NEGR1: variants seen among roughly 807,000 people sequenced by gnomAD.
The protein encoded by NEGR1 is neuronal growth regulator 1.
A neutral mutation model predicts 40.9 loss-of-function variants in NEGR1; 10 were observed. That is an observed-to-expected ratio of 0.24 (90% CI 0.15 to 0.42). The LOEUF is 0.42. Among genes scored for constraint, NEGR1 ranks in the 10% least tolerant of loss-of-function variants. NEGR1 has a pLI of 1.00. For synonymous variants in NEGR1, 185 were observed against 166.8 expected (o/e 1.11, Z -0.84); for missense variants, 352 against 438.9 (o/e 0.80, Z 1.77).
At chr1:71,819,683 T>TA (rs1269250784) in intron 2 of NEGR1, among the ~76,000 whole-genome samples, 1 of 151,984 alleles carries the variant, frequency 6.6e-6, no homozygotes, top group Non-Finnish European at 1.5e-5. Flanking sequence ...GATGCTATCA[T>TA]ATGCATATCT....
At chr1:72,171,471 G>A (rs61765613) in intron 1 of NEGR1, among the ~76,000 whole-genome samples, 1 of 151,978 alleles carries the variant, frequency 6.6e-6, no homozygotes, top group East Asian at 1.9e-4. Flanking sequence ...AAATATCACC[G>A]ATAGCTACAT....
chr1:71,451,829 T>A (rs1011709837), intron 6 of NEGR1, among the ~76,000 whole-genome samples: 8 of 152,248 alleles, frequency 5.3e-5, no homozygotes, highest in Non-Finnish European at 1.2e-4. Context: ...GATAATCCTA[T>A]TGTATATTCA....
intron 4 of NEGR1, among the ~76,000 whole-genome samples, chr1:71,619,247 G>A (rs1337475491): frequency 6.6e-6 from 1 of 151,954 alleles, no homozygotes; most frequent in African/African-American, 2.4e-5. Flanking sequence ...ATCACAGTGG[G>A]CTCTTTCTTA....
intron 1 of NEGR1, among the ~76,000 whole-genome samples, chr1:71,943,644 A>G (rs1015385772): frequency 6.6e-6 from 1 of 152,190 alleles, no homozygotes; most frequent in South Asian, 2.1e-4. Context: ...TAAAATAAGC[A>G]TGGATAGAGT....
intron 4 of NEGR1, among the ~76,000 whole-genome samples, chr1:71,663,927 G>C (rs1025578637): frequency 1.3e-5 from 2 of 152,086 alleles, no homozygotes; most frequent in Non-Finnish European, 2.9e-5. Context: ...GTTAATTATG[G>C]ATTCTATACA....
At chr1:71,705,231 A>C (rs928309440) in intron 3 of NEGR1, among the ~76,000 whole-genome samples, 3 of 152,188 alleles carry the variant, frequency 2.0e-5, no homozygotes, top group Non-Finnish European at 4.4e-5. Context: ...CTCGTACTTT[A>C]TACATAAATT....
chr1:71,733,437 T>C (rs1268163901), intron 3 of NEGR1, among the ~76,000 whole-genome samples: 1 of 152,192 alleles, frequency 6.6e-6, no homozygotes, highest in African/African-American at 2.4e-5. Context: ...TTTTAGTCTG[T>C]ATTGTAACTG....
intron 1 of NEGR1, among the ~76,000 whole-genome samples, chr1:72,131,169 CT>C (rs1470660741): frequency 2.0e-5 from 3 of 152,142 alleles, no homozygotes; most frequent in Admixed American, 2.0e-4. Flanking sequence ...ATAAGATTAA[CT>C]TTGTATAATT....
At chr1:71,501,443 C>A (rs1010432732) in intron 6 of NEGR1, among the ~76,000 whole-genome samples, 3 of 152,092 alleles carry the variant, frequency 2.0e-5, no homozygotes, top group African/African-American at 7.2e-5. Context: ...ACCCAAATAT[C>A]ATTTTCAGTG....
intron 1 of NEGR1, among the ~76,000 whole-genome samples, chr1:72,142,157 C>G (rs1019014847): frequency 6.6e-6 from 1 of 151,998 alleles, no homozygotes; most frequent in Non-Finnish European, 1.5e-5. Flanking sequence ...GACTCCAACT[C>G]CATGCCCTCC....
intron 2 of NEGR1, among the ~76,000 whole-genome samples, chr1:71,874,959 C>T (rs773715731): frequency 6.6e-6 from 1 of 152,164 alleles, no homozygotes; most frequent in Non-Finnish European, 1.5e-5. Flanking sequence ...ATCCTCCTCC[C>T]TCAGCCTCCT....
intron 3 of NEGR1, among the ~76,000 whole-genome samples, chr1:71,772,496 A>G (rs1656364502): frequency 6.6e-6 from 1 of 152,178 alleles, no homozygotes; most frequent in Non-Finnish European, 1.5e-5. Context: ...AGAGGAGCCT[A>G]AACTGTTATG....
chr1:71,658,393 G>T (rs1356937876), intron 4 of NEGR1, among the ~76,000 whole-genome samples: 1 of 151,860 alleles, frequency 6.6e-6, no homozygotes, highest in Non-Finnish European at 1.5e-5. Flanking sequence ...TCCTTGGTTA[G>T]AAATAAACTA....
intron 2 of NEGR1, among the ~76,000 whole-genome samples, chr1:71,870,764 T>C (rs534581882): frequency 1.6e-4 from 24 of 152,310 alleles, no homozygotes; most frequent in African/African-American, 5.5e-4. Context: ...GTCTTTTTAT[T>C]CATTCAAATC....
At chr1:72,115,836 T>C (rs1649560272) in intron 1 of NEGR1, among the ~76,000 whole-genome samples, 1 of 151,676 alleles carries the variant, frequency 6.6e-6, no homozygotes, top group Non-Finnish European at 1.5e-5. Flanking sequence ...TCTTCTGTGG[T>C]GCCATCCTTA....
chr1:71,901,712 C>A, intron 2 of NEGR1, among the ~76,000 whole-genome samples: 1 of 148,354 alleles, frequency 6.7e-6, no homozygotes, highest in African/African-American at 2.5e-5. Context: ...ACTCTGTCAC[C>A]CAGGCTGGAG....
chr1:71,700,643 C>T (rs1570229906), intron 3 of NEGR1, among the ~76,000 whole-genome samples: 1 of 152,058 alleles, frequency 6.6e-6, no homozygotes, highest in Admixed American at 6.6e-5. Context: ...AATACCACAA[C>T]TTTACTGACT....
intron 1 of NEGR1, among the ~76,000 whole-genome samples, chr1:72,112,124 G>A (rs1649394761): frequency 6.6e-6 from 1 of 151,306 alleles, no homozygotes; most frequent in African/African-American, 2.4e-5. Flanking sequence ...ACATTCCATG[G>A]TCTATTCATA....
At chr1:71,801,050 A>G (rs1010341547) in intron 2 of NEGR1, among the ~76,000 whole-genome samples, 2 of 152,160 alleles carry the variant, frequency 1.3e-5, no homozygotes, top group African/African-American at 4.8e-5. Context: ...AACGATGCAC[A>G]TTACTTAACC....
Sources: allele counts gnomAD v4.1 joint callset (sites outside exome capture counted in the v4.1 genomes callset), GRCh38; gene constraint gnomAD v4.1.1; transcripts MANE v1.5; gene names NCBI Gene and HGNC (gene_info 2026-07-23, HGNC 2026-07-21).